TBX19: variants seen among roughly 807,000 people sequenced by gnomAD.
TBX19 encodes the protein T-box transcription factor 19.
TBX19 carries 33 observed loss-of-function variants against 40.9 expected under a neutral mutation model. The observed-to-expected ratio is 0.81, with a 90% CI of 0.61 to 1.08. TBX19 has a LOEUF of 1.08. Ranked by LOEUF, TBX19 falls within the 50% of genes least tolerant of loss-of-function variation. The pLI is 0.00. For missense variants in TBX19, 494 were observed against 574.0 expected, an observed-to-expected ratio of 0.86 and a Z score of 1.42; for synonymous variants, 220 against 225.0, an observed-to-expected ratio of 0.98 and a Z score of 0.20.
Position 168,308,831 on chromosome 1 carries a change from A to G in TBX19, c.1006A>G (p.Ile336Val). ...CTTATCCTCCACACCCCATGCCAGC[A>G]TCCTGTCTGTACCCCACACCAACGG... ...TSLSSTPHAS[I>V]LSVPHTNGPI... The change falls in exon 7 of 8, where the codon ATC becomes GTC. Residue 336 changes from isoleucine (I) to valine (V), a missense_variant. Ile to Val is a conservative substitution (Grantham distance 29). This residue lies in a region of TBX19 where 284 missense variants were observed against 307.3 expected (regional missense o/e 0.92). Transcript: ENST00000367821. 6.2e-7 allele frequency: 1 copy of G among 1,614,112 alleles called. No homozygotes were observed. Among genetic ancestry groups the G allele is most frequent in the East Asian group, 2.2e-5 (1 of 44,872 alleles).
intron 7 of TBX19, among the ~76,000 whole-genome samples, chr1:168,312,311 G>A (rs1316683142): frequency 6.6e-6 from 1 of 152,224 alleles, no homozygotes; most frequent in Non-Finnish European, 1.5e-5. Flanking sequence ...TCTTCTGACA[G>A]TGATGTTTCC....
At chr1:168,290,750 C>T (rs1000669102) in intron 1 of TBX19, among the ~76,000 whole-genome samples, 1 of 152,076 alleles carries the variant, frequency 6.6e-6, no homozygotes, top group African/African-American at 2.4e-5. Flanking sequence ...GTTGCCCAGG[C>T]TGGCATGTTT....
At chr1:168,312,166 T>C (rs1405138329) in intron 7 of TBX19, among the ~76,000 whole-genome samples, 1 of 152,202 alleles carries the variant, frequency 6.6e-6, no homozygotes, top group Admixed American at 6.5e-5. Context: ...ATTTAATCCT[T>C]GTAGCAATCT....
rs527459384 is a variant in TBX19, at chr1:168,296,491, C to G, written c.604-1233C>G. ...GAGAGCCAAGAGAAAGGGGAAACCC[C>G]TTATAAAACCATCAGATCTCGTGAG... On this transcript the variant is annotated intron_variant, in intron 3 of 7. Coordinates refer to ENST00000367821, the MANE Select transcript of TBX19 (RefSeq NM_005149.3). Among the ~76,000 whole-genome samples the G allele has an allele frequency of 1.3e-4, 20 of 152,214 alleles. No individual in the cohort carries two copies. The East Asian group carries it at 2.3e-3, about 18-fold the overall frequency.
rs1649568857 is a variant in TBX19 at position 168,313,232 on chromosome 1, C to T, written c.*230C>T. 5.0e-6 allele frequency: 3 copies of T among 600,898 alleles called. No individual in the cohort carries two copies. Among genetic ancestry groups the T allele is most frequent in the Non-Finnish European group, 8.8e-6 (3 of 339,862 alleles). The allele number at this position is 600,898 out of a possible 1,614,324, so 37.2% of individuals were successfully genotyped here. A position where few individuals can be genotyped will look rare whatever the true frequency, so the allele number is the denominator to read the frequency against. On this transcript the variant is annotated 3_prime_UTR_variant, in exon 8 of 8. Coordinates refer to ENST00000367821, the MANE Select transcript of TBX19 (RefSeq NM_005149.3). ...TTCTGCACTCCCATTTTCTCTGCAG[C>T]TTATTCTTGCCATGCTTAGGTGACA...
chr1:168,302,371 T>A (rs1356250228), intron 5 of TBX19, among the ~76,000 whole-genome samples: 1 of 152,248 alleles, frequency 6.6e-6, no homozygotes, highest in Admixed American at 6.5e-5. Flanking sequence ...CGGTGGGTTC[T>A]AATATCAAGC....
chr1:168,301,076 C>A (rs1236524903), intron 5 of TBX19, among the ~76,000 whole-genome samples: 2 of 152,216 alleles, frequency 1.3e-5, no homozygotes, highest in African/African-American at 2.4e-5. Flanking sequence ...CGATCAGTGA[C>A]ATCAGAGTAG....
rs2102348653 is a variant in TBX19, at chr1:168,281,113, C to T, written c.23C>T (p.Thr8Ile). ...CCTATGGCCATGAGTGAGCTGGGCA[C>T]TCGGAAGCCCAGCGATGGCACTGTT... Reference protein sequence around the residue: MAMSELGTRKPSDGTVSH... With the variant: MAMSELGIRKPSDGTVSH... The change falls in exon 1 of 8, where the codon ACT becomes ATT. Residue 8 changes from threonine (T) to isoleucine (I), a missense_variant. By Grantham distance (89) the Thr-to-Ile change is moderately conservative. This residue lies in a region of TBX19 where 201 missense variants were observed against 235.2 expected (regional missense o/e 0.85). Coordinates refer to ENST00000367821, the MANE Select transcript of TBX19 (RefSeq NM_005149.3). The T allele has an allele frequency of 6.2e-7, 1 of 1,614,094 alleles. No individual in the cohort carries two copies. Among genetic ancestry groups the T allele is most frequent in the East Asian group, 2.2e-5 (1 of 44,870 alleles).
intron 1 of TBX19, among the ~76,000 whole-genome samples, chr1:168,290,493 G>C (rs961439177): frequency 5.9e-5 from 9 of 152,216 alleles, no homozygotes; most frequent in Non-Finnish European, 1.3e-4. Context: ...CATCCTGGAG[G>C]AAAGAACTGG....
intron 3 of TBX19, among the ~76,000 whole-genome samples, chr1:168,293,508 A>G (rs10918865): frequency 0.91 from 138,434 of 152,146 alleles, 63,133 homozygotes; most frequent in East Asian, 0.98. Flanking sequence ...TGCCAACAAG[A>G]CACAGCTGTG....
At chr1:168,292,898 C>G (rs982596026) in intron 2 of TBX19, among the ~76,000 whole-genome samples, 1 of 151,138 alleles carries the variant, frequency 6.6e-6, no homozygotes, top group African/African-American at 2.4e-5. Context: ...AGGAATAGCT[C>G]CTCTCTGACA....
intron 7 of TBX19, among the ~76,000 whole-genome samples, chr1:168,311,277 G>T (rs1649515993): frequency 1.3e-5 from 2 of 152,012 alleles, no homozygotes; most frequent in South Asian, 4.2e-4. Context: ...TATAAGGCAG[G>T]TATTAAAATT....
At chr1:168,306,997 G>T (rs1292778148) in intron 6 of TBX19, among the ~76,000 whole-genome samples, 2 of 152,132 alleles carry the variant, frequency 1.3e-5, no homozygotes, top group Non-Finnish European at 2.9e-5. Flanking sequence ...AGGGGTAAAA[G>T]GTGGAGGATG....
chr1:168,288,275 T>TTG (rs200716716), intron 1 of TBX19, among the ~76,000 whole-genome samples: 12 of 85,986 alleles, frequency 1.4e-4, no homozygotes, highest in Non-Finnish European at 2.5e-4. Flanking sequence ...TTATGCCATA[T>TTG]TTTTTTTTTG....
Position 168,312,864 on chromosome 1 carries a change from T to G in TBX19, c.1209T>G (p.Ala403=). Residue 403 remains alanine, a synonymous_variant, in exon 8 of 8, where the codon GCT becomes GCG. Transcript: ENST00000367821. ...TCTCCACCCAAGCACCCACTTCGGCTGGTGTGGAGGTTCTGGGGGAGCCCT... is the reference window on the plus strand; with the variant it reads ...TCTCCACCCAAGCACCCACTTCGGCGGGTGTGGAGGTTCTGGGGGAGCCCT... ...SVLSTQAPTS[A]GVEVLGEPSL... The G allele has an allele frequency of 1.2e-6, 2 of 1,614,236 alleles. No individual in the cohort carries two copies. The highest frequency in any genetic ancestry group is 1.1e-5 in the South Asian group (1 of 91,088).
intron 7 of TBX19, among the ~76,000 whole-genome samples, chr1:168,309,549 A>G (rs1339677228): frequency 6.6e-6 from 1 of 152,146 alleles, no homozygotes; most frequent in Non-Finnish European, 1.5e-5. Context: ...ATGATTGTCC[A>G]TTTTCCCATG....
At chr1:168,290,010 A>G (rs969109679) in intron 1 of TBX19, among the ~76,000 whole-genome samples, 1 of 152,184 alleles carries the variant, frequency 6.6e-6, no homozygotes, top group African/African-American at 2.4e-5. Context: ...CCTGGCCAAC[A>G]TGGTGAAACC....
At chr1:168,297,806 G>C (rs753730891) in intron 4 of TBX19, 21 bp downstream of exon 4, 1 of 1,590,042 alleles carries the variant, frequency 6.3e-7, no homozygotes, top group South Asian at 1.1e-5. Context: ...AAATTTTAGT[G>C]AAATCTTCTA....
At chr1:168,303,937 G>A (rs1367652599) in intron 5 of TBX19, among the ~76,000 whole-genome samples, 2 of 152,138 alleles carry the variant, frequency 1.3e-5, no homozygotes, top group African/African-American at 4.8e-5. Flanking sequence ...GTTTTGGTGG[G>A]TTTTGGCCGG....
Sources: allele counts gnomAD v4.1 joint callset (sites outside exome capture counted in the v4.1 genomes callset), GRCh38; gene constraint gnomAD v4.1.1; regional missense constraint gnomAD v4.1.1; transcripts MANE v1.5; gene names NCBI Gene and HGNC (gene_info 2026-07-23, HGNC 2026-07-21).